Variants in PTPRN2 observed in about 807,000 individuals in gnomAD.
The protein encoded by PTPRN2 is protein tyrosine phosphatase receptor type N2, also known as receptor-type tyrosine-protein phosphatase N2.
A neutral mutation model predicts 118.8 loss-of-function variants in PTPRN2; 74 were observed. The observed-to-expected ratio is 0.62, with a 90% confidence interval of 0.52 to 0.76. The LOEUF (loss-of-function observed/expected upper bound fraction) is 0.76. Among genes scored for constraint, PTPRN2 ranks in the 30% least tolerant of loss-of-function variants. The pLI, the probability that PTPRN2 is intolerant of heterozygous loss-of-function variation, is 0.00. For synonymous variants in PTPRN2, 641 were observed against 608.0 expected, an observed-to-expected ratio of 1.05 and a Z score of -0.80; for missense variants, 1,481 against 1,394.4, an observed-to-expected ratio of 1.06 and a Z score of -0.99.
At chr7:158,412,248 C>A (rs573645252) in intron 2 of PTPRN2, among the ~76,000 whole-genome samples, 3 of 109,046 alleles carry the variant, frequency 2.8e-5, no homozygotes, top group Non-Finnish European at 5.6e-5. Context: ...CAGGGCCCAT[C>A]TCAGCACCCT....
chr7:157,713,594 C>T (rs934284121), intron 12 of PTPRN2, among the ~76,000 whole-genome samples: 6 of 152,202 alleles, frequency 3.9e-5, no homozygotes, highest in East Asian at 3.8e-4. Flanking sequence ...GCTCCCTCCC[C>T]GTCACTGATA....
chr7:158,332,670 C>T lies in PTPRN2; in HGVS notation c.164-15738G>A, dbSNP rs1400720853. The stretch of plus-strand genomic sequence containing the variant: ...TAAGAGCTGATGCCTGCAGACATCA[C>T]TCACACCCACACTCTAACCATAAGA... On this transcript the variant is annotated intron_variant, in intron 2 of 22. Transcript: ENST00000389418. Among the ~76,000 whole-genome samples the T allele has an allele frequency of 2.1e-3, 303 of 146,402 alleles. 38 individuals are homozygous for T. Among genetic ancestry groups the T allele is most frequent in the African/African-American group, 8.0e-3 (295 of 36,986 alleles).
intron 5 of PTPRN2, among the ~76,000 whole-genome samples, chr7:158,178,601 T>TTTC (rs1563565080): frequency 1.4e-5 from 2 of 140,806 alleles, no homozygotes; most frequent in African/African-American, 5.2e-5. Flanking sequence ...TTTTTTTTTT[T>TTTC]TTTTTTTTTT....
At chr7:158,311,305 G>A (rs1003518453) in intron 3 of PTPRN2, among the ~76,000 whole-genome samples, 2 of 152,088 alleles carry the variant, frequency 1.3e-5, no homozygotes, top group Non-Finnish European at 2.9e-5. Flanking sequence ...TACATATTTG[G>A]TTTTTTTGCT....
intron 11 of PTPRN2, among the ~76,000 whole-genome samples, chr7:157,902,208 T>C (rs1263664374): frequency 1.3e-5 from 2 of 152,252 alleles, no homozygotes; most frequent in African/African-American, 4.8e-5. Context: ...AGGAACGCGC[T>C]GCAGCAGAAC....
intron 2 of PTPRN2, among the ~76,000 whole-genome samples, chr7:158,447,563 A>G (rs1193882007): frequency 6.6e-6 from 1 of 152,008 alleles, no homozygotes; most frequent in African/African-American, 2.4e-5. Context: ...GATAAGGCCG[A>G]CCCGCCCAGC....
At chr7:158,062,638 C>T (rs994426798) in intron 11 of PTPRN2, among the ~76,000 whole-genome samples, 2 of 152,214 alleles carry the variant, frequency 1.3e-5, no homozygotes, top group African/African-American at 4.8e-5. Flanking sequence ...TCTGGGTGGG[C>T]GTGGGCTCGG....
At position 158,578,665 on chromosome 7, in the gene PTPRN2, A is replaced by G. The variant is rs140928118; in HGVS notation, c.112+8893T>C. ...ACCCAAACGAGGAACACAGTACTTG[A>G]TAAGTAGTTTTTTGACCCTTGGCTC... is the stretch of plus-strand genomic sequence containing the variant. On this transcript the variant is annotated intron_variant, in intron 1 of 22. Transcript: ENST00000389418. 9.3e-4 allele frequency among the ~76,000 whole-genome samples: 141 copies of G among 151,970 alleles called. No individual in the cohort carries two copies. The East Asian group carries it at 0.024, about 26-fold the overall frequency.
At position 158,489,758 on chromosome 7, in the gene PTPRN2, C is replaced by T; in HGVS notation, c.140G>A (p.Gly47Glu). The T allele has an allele frequency of 5.7e-6, 9 of 1,582,774 alleles. No individual in the cohort carries two copies. The highest frequency in any genetic ancestry group is 7.7e-6 in the Non-Finnish European group (9 of 1,165,600). The change falls in exon 2 of 23, where the codon GGA (glycine) becomes GAA (glutamate). Residue 47 changes from glycine to glutamate, a missense_variant. Gly to Glu is a moderately conservative substitution (Grantham distance 98, BLOSUM62 -2). Transcript: ENST00000389418. ...LGCLLEEGLCGASEACVNDGV... is the reference protein window; with the variant it reads ...LGCLLEEGLCEASEACVNDGV... ...ACCGTTCACACAGGCCTCGGACGCT[C>T]CGCAGAGGCCCTCCTCGAGCAGGCA...
At chr7:158,124,917 A>C (rs1030761990) in intron 9 of PTPRN2, among the ~76,000 whole-genome samples, 5 of 152,236 alleles carry the variant, frequency 3.3e-5, no homozygotes, top group Non-Finnish European at 7.3e-5. Flanking sequence ...TGAGAAAGAA[A>C]GAGCCGTGAT....
intron 2 of PTPRN2, among the ~76,000 whole-genome samples, chr7:158,407,556 GGGT>G (rs1813674830): frequency 9.0e-5 from 1 of 11,056 alleles, no homozygotes; most frequent in Non-Finnish European, 1.8e-4. Context: ...CCTGCGTCCT[GGGT>G]CCTGTGTCCT....
At chr7:157,707,471 T>C (rs1041708811) in intron 12 of PTPRN2, among the ~76,000 whole-genome samples, 2 of 152,242 alleles carry the variant, frequency 1.3e-5, no homozygotes, top group African/African-American at 4.8e-5. Context: ...ACGTGCCCGC[T>C]AAGTACCCTT....
At chr7:158,274,274 CAG>C (rs1273027583) in intron 3 of PTPRN2, among the ~76,000 whole-genome samples, 4 of 139,870 alleles carry the variant, frequency 2.9e-5, no homozygotes, top group South Asian at 2.3e-4. Context: ...GCCGCAGACA[CAG>C]GGGGAGACGC....
At chr7:158,372,580 C>A (rs9690065) in intron 2 of PTPRN2, among the ~76,000 whole-genome samples, 1 of 144,426 alleles carries the variant, frequency 6.9e-6, no homozygotes, top group African/African-American at 2.5e-5. Context: ...TGGAGCTGGT[C>A]CCCCCAACAC....
intron 12 of PTPRN2, among the ~76,000 whole-genome samples, chr7:157,727,106 G>A (rs576639416): frequency 7.9e-5 from 12 of 152,310 alleles, no homozygotes; most frequent in Non-Finnish European, 1.2e-4. Flanking sequence ...ATTCCCATAG[G>A]AGCCGGCAGC....
intron 3 of PTPRN2, among the ~76,000 whole-genome samples, chr7:158,295,798 G>A (rs1800461667): frequency 6.6e-6 from 1 of 152,040 alleles, no homozygotes; most frequent in Admixed American, 6.5e-5. Context: ...CCGCCTTTCT[G>A]AGGGTCCAAG....
chr7:158,039,914 A>C (rs2128888757), intron 11 of PTPRN2, among the ~76,000 whole-genome samples: 1 of 152,336 alleles, frequency 6.6e-6, no homozygotes. Flanking sequence ...GGAAACTCTA[A>C]GAAAAAATCA....
chr7:157,910,939 C>G (rs1488081168), intron 11 of PTPRN2, among the ~76,000 whole-genome samples: 1 of 152,262 alleles, frequency 6.6e-6, no homozygotes, highest in East Asian at 1.9e-4. Flanking sequence ...TGGAACATAA[C>G]TGCTTTCCTG....
intron 9 of PTPRN2, among the ~76,000 whole-genome samples, chr7:158,130,346 C>T (rs535050066): frequency 6.6e-6 from 1 of 152,242 alleles, no homozygotes; most frequent in African/African-American, 2.4e-5. Context: ...TGATACACAT[C>T]TACCCGACAC....
Sources: gnomAD v4.1 joint callset for allele counts (sites outside exome capture counted in the v4.1 genomes callset) on GRCh38, gnomAD v4.1.1 for gene constraint, MANE v1.5 for transcripts, NCBI Gene and HGNC (gene_info 2026-07-23, HGNC 2026-07-21) for gene names.